The following CSMD1 variants were observed in gnomAD, a reference collection of about 807,000 sequenced individuals.
The protein encoded by CSMD1 is CUB and Sushi multiple domains 1, also known as CUB and sushi domain-containing protein 1.
A neutral mutation model predicts 417.5 loss-of-function variants in CSMD1; 213 were observed. The observed-to-expected ratio is 0.51, with a 90% CI of 0.46 to 0.57. The LOEUF is 0.57. CSMD1 is among the 20% of genes least tolerant of loss of function. The pLI, the probability that CSMD1 is intolerant of heterozygous loss-of-function variation, is 0.00. For missense variants in CSMD1, 6,923 were observed against 4,529.7 expected (o/e 1.53, Z -15.17); for synonymous variants, 2,862 against 1,736.8 (o/e 1.65, Z -16.11).
chr8:3,508,477 G>A (rs986449476), intron 10 of CSMD1, among the ~76,000 whole-genome samples: 3 of 151,184 alleles, frequency 2.0e-5, no homozygotes, highest in Non-Finnish European at 4.4e-5. Flanking sequence ...TGCATGTTGT[G>A]CACATGTACC....
At chr8:4,425,793 C>T (rs2128943292) in intron 2 of CSMD1, among the ~76,000 whole-genome samples, 1 of 152,176 alleles carries the variant, frequency 6.6e-6, no homozygotes, top group South Asian at 2.1e-4. Context: ...GCAAGTCTTC[C>T]TTCTGTCATT....
intron 55 of CSMD1, 125 bp downstream of exon 55, chr8:2,978,487 C>A (rs915383888): frequency 4.1e-6 from 3 of 736,366 alleles, no homozygotes; most frequent in Non-Finnish European, 6.5e-6. Context: ...AAAACTCCTA[C>A]AATTGGTGAT....
intron 1 of CSMD1, among the ~76,000 whole-genome samples, chr8:4,977,203 T>C (rs1810610251): frequency 6.6e-6 from 1 of 152,262 alleles, no homozygotes; most frequent in Non-Finnish European, 1.5e-5. Context: ...TTAATTTATA[T>C]TTAATTGAAT....
At chr8:4,406,150 G>A (rs1805002969) in intron 3 of CSMD1, among the ~76,000 whole-genome samples, 1 of 152,166 alleles carries the variant, frequency 6.6e-6, no homozygotes, top group African/African-American at 2.4e-5. Flanking sequence ...GCATAATCGT[G>A]CACACATTAG....
intron 3 of CSMD1, among the ~76,000 whole-genome samples, chr8:4,299,856 C>A (rs1797886374): frequency 6.6e-6 from 1 of 152,064 alleles, no homozygotes; most frequent in African/African-American, 2.4e-5. Context: ...GTCTCGATCT[C>A]CTGACTTCAT....
At chr8:3,335,355 C>T (rs778034540) in intron 23 of CSMD1, among the ~76,000 whole-genome samples, 12 of 152,252 alleles carry the variant, frequency 7.9e-5, no homozygotes, top group East Asian at 1.9e-4. Context: ...TGTGTCCCAA[C>T]GACACAAATG....
chr8:4,316,761 CA>C (rs1798961134), intron 3 of CSMD1, among the ~76,000 whole-genome samples: 1 of 152,042 alleles, frequency 6.6e-6, no homozygotes, highest in Non-Finnish European at 1.5e-5. Flanking sequence ...CGAACGCCCC[CA>C]AAACCCTTTT....
At chr8:3,971,006 C>T (rs115755717) in intron 5 of CSMD1, among the ~76,000 whole-genome samples, 1 of 152,164 alleles carries the variant, frequency 6.6e-6, no homozygotes. Context: ...CCGCCTCAGA[C>T]TCCCAAAGTA....
chr8:2,999,489 A>G lies in CSMD1; in HGVS notation c.8203+469T>C, dbSNP rs149924785. Among the ~76,000 whole-genome samples, 710 of 152,280 alleles carry G rather than the reference A, an allele frequency of 4.7e-3. 2 individuals are homozygous for G. Among genetic ancestry groups the G allele is most frequent in the African/African-American group, 0.016 (666 of 41,548 alleles). ...CTTTCAAGTAAAAGAAAGAATGCTT[A>G]CAAAACTCCCTATATTCTTGACGAA... is the stretch of plus-strand genomic sequence containing the variant. On this transcript the variant is annotated intron_variant, in intron 53 of 69. Transcript: ENST00000635120.
intron 10 of CSMD1, among the ~76,000 whole-genome samples, chr8:3,502,942 G>A (rs143657952): frequency 6.6e-6 from 1 of 152,290 alleles, no homozygotes; most frequent in East Asian, 1.9e-4. Context: ...ACACCATGCT[G>A]AAAGCATCTG....
At chr8:2,993,429 T>C (rs678200) in intron 54 of CSMD1, among the ~76,000 whole-genome samples, 1,950 of 152,328 alleles carry the variant, frequency 0.013, 39 homozygotes, top group African/African-American at 0.045. Context: ...ATCACTTTCC[T>C]GATCCTATTA....
chr8:4,519,931 G>GCA (rs1803347819), intron 2 of CSMD1, among the ~76,000 whole-genome samples: 3 of 73,398 alleles, frequency 4.1e-5, no homozygotes, highest in African/African-American at 8.4e-5. Context: ...GTGTGTGTGT[G>GCA]TGTGCGTGTG....
chr8:4,652,309 T>C (rs1021898797), intron 1 of CSMD1, among the ~76,000 whole-genome samples: 13 of 152,206 alleles, frequency 8.5e-5, no homozygotes, highest in Non-Finnish European at 1.8e-4. Context: ...AAGAGACATT[T>C]GACATTTCTC....
At chr8:3,762,551 C>A (rs148729507) in intron 5 of CSMD1, among the ~76,000 whole-genome samples, 1 of 152,224 alleles carries the variant, frequency 6.6e-6, no homozygotes, top group Non-Finnish European at 1.5e-5. Context: ...GTAGCACAGG[C>A]GTGTAACTCC....
chr8:4,483,219 G>T (rs1801198819), intron 2 of CSMD1, among the ~76,000 whole-genome samples: 1 of 152,186 alleles, frequency 6.6e-6, no homozygotes, highest in Non-Finnish European at 1.5e-5. Context: ...CAAGTGAGAA[G>T]TGCCTTTCAC....
At chr8:3,648,388 G>C (rs967000414) in intron 7 of CSMD1, among the ~76,000 whole-genome samples, 2 of 152,134 alleles carry the variant, frequency 1.3e-5, no homozygotes, top group African/African-American at 2.4e-5. Context: ...GACTTTGTGA[G>C]ACTGACATGC....
chr8:4,048,696 G>C (rs901881683), intron 3 of CSMD1, among the ~76,000 whole-genome samples: 1 of 152,160 alleles, frequency 6.6e-6, no homozygotes, highest in Admixed American at 6.5e-5. Context: ...TGTGCTTCCT[G>C]ACACATTTGG....
rs144943094 is a variant in CSMD1, at chr8:4,116,848, C to T, written c.416-84749G>A. On this transcript the variant is annotated intron_variant, in intron 3 of 69. Coordinates refer to ENST00000635120, the MANE Select transcript of CSMD1 (RefSeq NM_033225.6). The stretch of plus-strand genomic sequence containing the variant: ...TCTATTAAAAAAAAACAAAAAGCAC[C>T]TGGCATTTACTGTACAATGTGCCAG... Among the ~76,000 whole-genome samples the T allele has an allele frequency of 2.5e-3, 380 of 151,998 alleles. 1 individual carries two copies. The highest frequency in any genetic ancestry group is 8.8e-3 in the African/African-American group (363 of 41,482).
intron 3 of CSMD1, among the ~76,000 whole-genome samples, chr8:4,111,786 G>T (rs1045578979): frequency 1.3e-5 from 2 of 152,122 alleles, no homozygotes; most frequent in Admixed American, 6.5e-5. Context: ...TAGGGTGAGG[G>T]AGAGCATCAG....
Sources: allele counts gnomAD v4.1 joint callset (sites outside exome capture counted in the v4.1 genomes callset), GRCh38; gene constraint gnomAD v4.1.1; transcripts MANE v1.5; gene names NCBI Gene and HGNC (gene_info 2026-07-23, HGNC 2026-07-21).